The following CIAPIN1 variants were observed in gnomAD, a reference collection of about 807,000 sequenced individuals.
CIAPIN1 encodes anamorsin.
Under a neutral mutation model 34.3 loss-of-function variants are expected in CIAPIN1, and 18 were observed. The ratio of observed to expected loss-of-function variants is 0.52; its 90% CI spans 0.36 to 0.78. CIAPIN1 has a LOEUF of 0.78. CIAPIN1 is among the 30% of genes least tolerant of loss of function. The pLI, the probability that CIAPIN1 is intolerant of heterozygous loss-of-function variation, is 0.00. For synonymous variants in CIAPIN1, 131 were observed against 140.4 expected (o/e 0.93, Z 0.47); for missense variants, 310 against 372.5 (o/e 0.83, Z 1.38).
At chr16:57,439,409 A>G (rs1293900087) in intron 2 of CIAPIN1, 75 bp from the exon 3 acceptor site, 2 of 1,506,524 alleles carry the variant, frequency 1.3e-6, no homozygotes, top group African/African-American at 2.8e-5. Flanking sequence ...ACCCCCAACA[A>G]AAGCTACAGA....
intron 6 of CIAPIN1, 107 bp downstream of exon 6, chr16:57,432,380 G>C: frequency 1.2e-6 from 1 of 842,598 alleles, no homozygotes. Flanking sequence ...CACAAATCTG[G>C]GCTTTAAATA....
chr16:57,436,587 T>C, intron 4 of CIAPIN1, 69 bp downstream of exon 4: 3 of 1,199,712 alleles, frequency 2.5e-6, no homozygotes, highest in Non-Finnish European at 3.7e-6. Context: ...GCATTTCTTG[T>C]TTCCTAGTTC....
At chr16:57,432,311 C>CAA (rs111757787) in intron 6 of CIAPIN1, among the ~76,000 whole-genome samples, 176 bp downstream of exon 6, 2 of 146,400 alleles carry the variant, frequency 1.4e-5, no homozygotes, top group African/African-American at 5.1e-5. Context: ...AGACTGTCTC[C>CAA]AAAAAAAAAG....
chr16:57,446,110 T>A (rs1028268253), intron 1 of CIAPIN1, among the ~76,000 whole-genome samples: 10 of 152,082 alleles, frequency 6.6e-5, no homozygotes, highest in Non-Finnish European at 1.5e-4. Flanking sequence ...CCTCCCAAAG[T>A]GCTGGGATTA....
chr16:57,431,565 G>A (rs1229222894), intron 6 of CIAPIN1: 3 of 206,482 alleles, frequency 1.5e-5, no homozygotes, highest in Non-Finnish European at 2.9e-5. Flanking sequence ...TGGGGGTTGG[G>A]GGCAGGAGTG....
intron 6 of CIAPIN1, 162 bp from the exon 7 acceptor site, chr16:57,431,428 C>T (rs1903084796): frequency 1.9e-6 from 1 of 521,792 alleles, no homozygotes; most frequent in Non-Finnish European, 3.5e-6. Flanking sequence ...ACCACATGCT[C>T]AAGAGGCCAA....
At chr16:57,442,724 A>G (rs2029895918) in intron 1 of CIAPIN1, among the ~76,000 whole-genome samples, 1 of 152,212 alleles carries the variant, frequency 6.6e-6, no homozygotes, top group South Asian at 2.1e-4. Flanking sequence ...TTGCCTACAA[A>G]ACATACTCAG....
chr16:57,439,206 T>G lies in CIAPIN1; in HGVS notation c.286A>C (p.Lys96Gln), dbSNP rs1903270808. The G allele has an allele frequency of 6.2e-7, 1 of 1,613,830 alleles. No individual in the cohort carries two copies. Among genetic ancestry groups the G allele is most frequent in the Admixed American group, 1.7e-5 (1 of 60,006 alleles). ...ILRPGGCLFL[K>Q]EPVETAVDNN... The stretch of plus-strand genomic sequence containing the variant: ...CCTACAGCTGTCTCTACTGGCTCCT[T>G]CAGAAAAAGACATCCACCAGGCCGA... The change falls in exon 3 of 9, where the codon AAG becomes CAG. Residue 96 changes from lysine (K) to glutamine (Q), a missense_variant. Coordinates refer to ENST00000394391, the MANE Select transcript of CIAPIN1 (RefSeq NM_020313.4).
In CIAPIN1 at chr16:57,430,118, C is replaced by A. The variant is rs141003059; in HGVS notation, c.828+140G>T. 7 of 702,818 alleles carry A rather than the reference C, an allele frequency of 1.0e-5. No individual in the cohort carries two copies. In the African/African-American group the frequency reaches 1.1e-4, roughly 11 times the overall value. 43.5% of individuals were successfully genotyped at this position (702,818 alleles called of 1,614,324 possible). On this transcript the variant is annotated intron_variant, in intron 8 of 8. Coordinates refer to ENST00000394391, the MANE Select transcript of CIAPIN1 (RefSeq NM_020313.4). ...CACTCTCAGGAGACAGCCTCTCTCC[C>A]CATTACTACCTACGTTCGTGTGCTC...
chr16:57,441,163 C>A, intron 1 of CIAPIN1, 180 bp from the exon 2 acceptor site: 1 of 330,236 alleles, frequency 3.0e-6, no homozygotes, highest in Non-Finnish European at 5.5e-6. Flanking sequence ...CCAACATTCC[C>A]AAAGAAGGCA....
At chr16:57,444,922 G>A (rs940804359) in intron 1 of CIAPIN1, among the ~76,000 whole-genome samples, 23 of 152,162 alleles carry the variant, frequency 1.5e-4, no homozygotes, top group African/African-American at 5.1e-4. Context: ...TCATTGTCAC[G>A]TCACTGAGCT....
intron 4 of CIAPIN1, among the ~76,000 whole-genome samples, chr16:57,435,710 C>A (rs1903185167): frequency 6.6e-6 from 1 of 152,154 alleles, no homozygotes; most frequent in African/African-American, 2.4e-5. Flanking sequence ...AGGAGAATTG[C>A]TTGAACCCAG....
At chr16:57,445,834 G>GTTTTT (rs751037117) in intron 1 of CIAPIN1, among the ~76,000 whole-genome samples, 3 of 70,450 alleles carry the variant, frequency 4.3e-5, no homozygotes, top group South Asian at 6.7e-4. Context: ...GACCTTAGAG[G>GTTTTT]TTTTTTTTTT....
At chr16:57,446,074 GAGCTCA>G in intron 1 of CIAPIN1, among the ~76,000 whole-genome samples, 1 of 152,078 alleles carries the variant, frequency 6.6e-6, no homozygotes, top group Non-Finnish European at 1.5e-5. Context: ...TCGAACTCCT[GAGCTCA>G]AGTGATCCAC....
chr16:57,434,247 C>T (rs1215164058), intron 4 of CIAPIN1, 35 bp from the exon 5 acceptor site: 2 of 1,608,472 alleles, frequency 1.2e-6, no homozygotes, highest in South Asian at 2.2e-5. Context: ...TTAGTTCACC[C>T]TCCTCTGTAA....
intron 2 of CIAPIN1, among the ~76,000 whole-genome samples, 192 bp from the exon 3 acceptor site, chr16:57,439,526 T>C (rs932589756): frequency 6.6e-6 from 1 of 152,180 alleles, no homozygotes; most frequent in South Asian, 2.1e-4. Flanking sequence ...AACATACTTA[T>C]GGAAATCATC....
chr16:57,432,703 C>G (rs182637646), intron 5 of CIAPIN1, 143 bp from the exon 6 acceptor site: 1 of 690,046 alleles, frequency 1.4e-6, no homozygotes, highest in African/African-American at 1.8e-5. Flanking sequence ...TCCAGCTCTA[C>G]CCCTCTGAGA....
chr16:57,431,119 G>C (rs765465732), intron 7 of CIAPIN1, 32 bp downstream of exon 7: 1 of 1,363,078 alleles, frequency 7.3e-7, no homozygotes, highest in Non-Finnish European at 1.0e-6. Flanking sequence ...ACTGGAGGCA[G>C]CATGGCAGGC....
chr16:57,429,099 G>A lies in CIAPIN1; in HGVS notation c.*71C>T. 1 of 1,033,988 alleles carries A rather than the reference G, an allele frequency of 9.7e-7. No homozygotes were observed. Among genetic ancestry groups the A allele is most frequent in the East Asian group, 2.4e-5 (1 of 42,068 alleles). The allele number at this position is 1,033,988 out of a possible 1,614,324, so 64.1% of individuals were successfully genotyped here. On this transcript the variant is annotated 3_prime_UTR_variant, in exon 9 of 9. Coordinates refer to ENST00000394391, the MANE Select transcript of CIAPIN1 (RefSeq NM_020313.4). ...TGAACAAATCCAGAGGAGGTGGGAG[G>A]AGCCACCATGGTGGGATGTGAGGGA... is the stretch of plus-strand genomic sequence containing the variant.
Sources: allele counts gnomAD v4.1 joint callset (sites outside exome capture counted in the v4.1 genomes callset), GRCh38; gene constraint gnomAD v4.1.1; transcripts MANE v1.5; gene names NCBI Gene and HGNC (gene_info 2026-07-23, HGNC 2026-07-21).